The following GET1 variants were observed in gnomAD, a reference collection of about 807,000 sequenced individuals.
GET1 encodes the protein congenital heart disease 5 protein.
A neutral mutation model predicts 22.6 loss-of-function variants in GET1; 20 were observed. That is an observed-to-expected ratio of 0.89 (90% CI 0.62 to 1.29). The LOEUF is 1.29. Ranked by LOEUF, GET1 falls within the 50% of genes most tolerant of loss-of-function variation. The pLI is 0.00. For synonymous variants in GET1, 92 were observed against 83.8 expected (o/e 1.10, Z -0.53); for missense variants, 209 against 219.9 (o/e 0.95, Z 0.31).
intron 4 of GET1, among the ~76,000 whole-genome samples, chr21:39,396,142 TC>T (rs955666509): frequency 2.6e-5 from 4 of 152,130 alleles, no homozygotes; most frequent in Non-Finnish European, 5.9e-5. Context: ...ACACCTGTAA[TC>T]CCAGCACTTT....
At chr21:39,418,662 G>A (rs1017898631) in intron 1 of GET1, among the ~76,000 whole-genome samples, 1 of 152,130 alleles carries the variant, frequency 6.6e-6, no homozygotes, top group South Asian at 2.1e-4. Context: ...ACCATGCCAA[G>A]CTAATTTTTG....
chr21:39,392,518 T>G (rs1372381740), intron 3 of GET1, among the ~76,000 whole-genome samples: 2 of 151,982 alleles, frequency 1.3e-5, no homozygotes, highest in African/African-American at 2.4e-5. Context: ...AAGAGATAAG[T>G]TTCCGCAGAC....
intron 1 of GET1, chr21:39,422,233 G>C (rs2073895237): frequency 6.6e-6 from 1 of 152,180 alleles, no homozygotes; most frequent in Non-Finnish European, 1.5e-5. Flanking sequence ...AAATATTACA[G>C]AATTAAATCC....
chr21:39,407,871 T>C (rs960956998), downstream of GET1: 3 of 152,252 alleles, frequency 2.0e-5, no homozygotes, highest in Admixed American at 6.5e-5. Flanking sequence ...CAACTGCAAC[T>C]GACGATCAGT....
At chr21:39,419,392 G>C (rs2041874087) in intron 1 of GET1, among the ~76,000 whole-genome samples, 3 of 151,954 alleles carry the variant, frequency 2.0e-5, no homozygotes, top group Admixed American at 1.3e-4. Context: ...GGGTATGGTG[G>C]CATGTACCTG....
chr21:39,428,194 AACATTAT>A (rs1452107199), intron 1 of GET1: 9 of 1,582,996 alleles, frequency 5.7e-6, no homozygotes, highest in African/African-American at 2.7e-5. Context: ...AGATTTTAGA[AACATTAT>A]ACTTTTTCTT....
At chr21:39,414,734 CTCTCTCTCTGTGTGTGTGTG>C (rs956629622) in intron 1 of GET1, among the ~76,000 whole-genome samples, 4 of 103,164 alleles carry the variant, frequency 3.9e-5, no homozygotes, top group African/African-American at 1.6e-4. Flanking sequence ...CTCTCTCTCT[CTCTCTCTCTGTGTGTGTGTG>C]TGTGTGTGTG....
intron 1 of GET1, among the ~76,000 whole-genome samples, chr21:39,387,092 T>C (rs1403936616): frequency 2.0e-5 from 3 of 152,224 alleles, no homozygotes; most frequent in Non-Finnish European, 2.9e-5. Flanking sequence ...ACTCCTGGGC[T>C]CAAACGATCT....
chr21:39,422,896 G>A lies in GET1; in HGVS notation c.*24-5336G>A, dbSNP rs1329364364. 4.7e-6 allele frequency: 6 copies of A among 1,264,698 alleles called. No individual in the cohort carries two copies. The African/African-American group carries it at 7.5e-5, about 16-fold the overall frequency. The allele number at this position is 1,264,698 out of a possible 1,614,324, so 78.3% of individuals were successfully genotyped here. ...CAGTTAGTAATGCTTTGTTACAGAG[G>A]GGGCGCATCCATGATTAATTCACAC... On this transcript the variant is annotated intron_variant, in intron 1 of 1. Coordinates refer to the GET1 transcript ENST00000478273.
chr21:39,415,214 C>T (rs1175490518), intron 1 of GET1, among the ~76,000 whole-genome samples: 1 of 152,118 alleles, frequency 6.6e-6, no homozygotes, highest in Non-Finnish European at 1.5e-5. Flanking sequence ...TTAAAAATAA[C>T]ATTTTCTGTC....
downstream of GET1, among the ~76,000 whole-genome samples, chr21:39,398,991 CG>C (rs1300412172): frequency 1.3e-5 from 2 of 152,258 alleles, no homozygotes; most frequent in East Asian, 3.8e-4. Context: ...CCACCCGCCT[CG>C]GCCTCCCAAA....
intron 1 of GET1, among the ~76,000 whole-genome samples, chr21:39,417,804 C>A (rs8132466): frequency 5.3e-5 from 8 of 151,702 alleles, no homozygotes; most frequent in African/African-American, 1.9e-4. Flanking sequence ...CTCGCTCTGT[C>A]GCCCAGGCTG....
chr21:39,409,754 G>A (rs983938312), downstream of GET1, among the ~76,000 whole-genome samples: 2 of 152,034 alleles, frequency 1.3e-5, no homozygotes, highest in Non-Finnish European at 2.9e-5. The surrounding 1 kb of genome is among the most constrained non-coding windows in gnomAD (Gnocchi z 4.2). Flanking sequence ...CGCCATGTGC[G>A]GTTAAGTTTT....
At chr21:39,399,647 G>A (rs2038790655), downstream of GET1, among the ~76,000 whole-genome samples, 1 of 152,036 alleles carries the variant, frequency 6.6e-6, no homozygotes, top group South Asian at 2.1e-4. Flanking sequence ...CACTATGTTG[G>A]CCGGGCTGGT....
chr21:39,393,357 GC>G, intron 4 of GET1, 77 bp downstream of exon 4: 1 of 1,161,604 alleles, frequency 8.6e-7, no homozygotes, highest in Non-Finnish European at 1.3e-6. Flanking sequence ...GATTAAGTTA[GC>G]CTGACATCCT....
intron 1 of GET1, among the ~76,000 whole-genome samples, chr21:39,426,667 G>A (rs1253216854): frequency 6.6e-6 from 1 of 152,202 alleles, no homozygotes; most frequent in African/African-American, 2.4e-5. Flanking sequence ...TAAGGTTTTT[G>A]TTGCCAAATC....
intron 4 of GET1, among the ~76,000 whole-genome samples, chr21:39,403,569 G>A (rs985711856): frequency 2.0e-5 from 3 of 150,766 alleles, no homozygotes; most frequent in Admixed American, 6.6e-5. Context: ...TGATCCGCCC[G>A]CCTCGGCCTC....
rs548745888 is a variant in GET1 at position 39,404,674 on chromosome 21, C to T, written c.350-1240C>T. Among the ~76,000 whole-genome samples the T allele has an allele frequency of 5.2e-4, 78 of 149,950 alleles. 1 individual carries two copies. Among genetic ancestry groups the T allele is most frequent in the Admixed American group, 2.9e-3 (43 of 15,026 alleles). On this transcript the variant is annotated intron_variant, in intron 4 of 4. Transcript: ENST00000415847. ...CTGAGACACGAGAATCGCTTGAACC[C>T]CGGCAGGGCGGAGGTTGCAGTGAGC...
intron 1 of GET1, among the ~76,000 whole-genome samples, chr21:39,388,484 C>G (rs910298799): frequency 6.6e-6 from 1 of 152,198 alleles, no homozygotes; most frequent in African/African-American, 2.4e-5. Flanking sequence ...TCCCAGTCTT[C>G]CCTTGACTTT....
Sources: gnomAD v4.1 joint callset for allele counts (sites outside exome capture counted in the v4.1 genomes callset) on GRCh38, gnomAD v4.1.1 for gene constraint, Gnocchi (gnomAD v3.1) non-coding constraint, MANE v1.5 for transcripts, NCBI Gene and HGNC (gene_info 2026-07-23, HGNC 2026-07-21) for gene names.